CHMP3: variants seen among roughly 807,000 people sequenced by gnomAD.
CHMP3 encodes the protein 25.1 protein.
Under a neutral mutation model 27.4 loss-of-function variants are expected in CHMP3, and 8 were observed. That is an observed-to-expected ratio of 0.29 (90% CI 0.17 to 0.53). The LOEUF (loss-of-function observed/expected upper bound fraction) is 0.53, where lower values mean the gene tolerates loss of function less well. CHMP3 is among the 20% of genes least tolerant of loss of function. The pLI, the probability that CHMP3 is intolerant of heterozygous loss-of-function variation, is 0.96. For synonymous variants in CHMP3, 86 were observed against 85.5 expected (o/e 1.01, Z -0.03); for missense variants, 208 against 271.5 (o/e 0.77, Z 1.64).
Position 86,503,664 on chromosome 2 carries a change from A to G in CHMP3, c.*2140T>C, listed in dbSNP as rs902043300. On this transcript the variant is annotated 3_prime_UTR_variant, in exon 6 of 6. Coordinates refer to ENST00000263856, the MANE Select transcript of CHMP3 (RefSeq NM_016079.4). ...CATGAAATGACATGGAGGAACCTTA[A>G]TTGCATATTATTAAGTGAAAGAAGC... 3.9e-5 allele frequency: 6 copies of G among 152,210 alleles called. 1 individual carries two copies. The highest frequency in any genetic ancestry group is 2.1e-4 in the South Asian group (1 of 4,828). 9.4% of individuals were successfully genotyped at this position (152,210 alleles called of 1,614,324 possible).
intron 1 of CHMP3, among the ~76,000 whole-genome samples, chr2:86,548,612 T>C (rs1315532277): frequency 6.6e-6 from 1 of 152,210 alleles, no homozygotes; most frequent in African/African-American, 2.4e-5. Flanking sequence ...AGTAACCATC[T>C]GATCTGTCTT....
At chr2:86,558,795 A>C (rs1334589772) in intron 1 of CHMP3, among the ~76,000 whole-genome samples, 1 of 149,684 alleles carries the variant, frequency 6.7e-6, no homozygotes, top group Non-Finnish European at 1.5e-5. Context: ...TGCCCCTTCC[A>C]TTTCTGCCAA....
At chr2:86,556,623 CCTGGCCT>C (rs201230521) in intron 1 of CHMP3, among the ~76,000 whole-genome samples, 2,276 of 152,224 alleles carry the variant, frequency 0.015, 67 homozygotes, top group African/African-American at 0.052. Context: ...GGCCTCGGAA[CCTGGCCT>C]TTAATCATCC....
intron 1 of CHMP3, among the ~76,000 whole-genome samples, chr2:86,550,995 C>A (rs532040991): frequency 6.6e-6 from 1 of 152,066 alleles, no homozygotes; most frequent in East Asian, 1.9e-4. Context: ...CCTCAGATAC[C>A]GAGAAATGAC....
chr2:86,519,814 A>C (rs2104756303), intron 3 of CHMP3, among the ~76,000 whole-genome samples: 1 of 152,334 alleles, frequency 6.6e-6, no homozygotes, highest in East Asian at 1.9e-4. Context: ...TTGGAGTGGA[A>C]AACTTAAAAC....
At chr2:86,511,756 T>C (rs1244303386) in intron 3 of CHMP3, 1 of 152,108 alleles carries the variant, frequency 6.6e-6, no homozygotes, top group Non-Finnish European at 1.5e-5. Context: ...TATTATTATT[T>C]GCATCCTGAG....
chr2:86,562,668 C>T (rs1361837580), intron 1 of CHMP3: 2 of 152,198 alleles, frequency 1.3e-5, no homozygotes, highest in Non-Finnish European at 2.9e-5. Context: ...AGGGCATTTT[C>T]AACTGTTTGC....
At position 86,505,757 on chromosome 2, in the gene CHMP3, G is replaced by A; in HGVS notation, c.*47C>T. The A allele has an allele frequency of 6.9e-7, 1 of 1,455,098 alleles. No individual in the cohort carries two copies. Among genetic ancestry groups the A allele is most frequent in the Admixed American group, 2.3e-5 (1 of 43,924 alleles). 90.1% of individuals were successfully genotyped at this position (1,455,098 alleles called of 1,614,324 possible). A position where few individuals can be genotyped will look rare whatever the true frequency, so the allele number is the denominator to read the frequency against. On this transcript the variant is annotated 3_prime_UTR_variant, in exon 6 of 6. Transcript: ENST00000263856. ...TGTAGTGCAAGAGACACATAAAATG[G>A]CAGCTCTTGAGAGGAGTGTGTGCAC...
chr2:86,544,962 C>T (rs1252075592), intron 1 of CHMP3, among the ~76,000 whole-genome samples: 11 of 108,538 alleles, frequency 1.0e-4, no homozygotes, highest in South Asian at 3.1e-4. Context: ...ACGGGGCGGC[C>T]GGGCAGAGGC....
chr2:86,520,151 TTTATA>T (rs1675466546), intron 3 of CHMP3, among the ~76,000 whole-genome samples: 1 of 152,206 alleles, frequency 6.6e-6, no homozygotes, highest in Admixed American at 6.5e-5. Flanking sequence ...TTACTTTTAT[TTTATA>T]TATTTCTGTA....
chr2:86,525,048 A>G (rs1675647043), intron 3 of CHMP3, among the ~76,000 whole-genome samples: 2 of 144,460 alleles, frequency 1.4e-5, no homozygotes, highest in Admixed American at 1.3e-4. Context: ...TTCTTATTAA[A>G]TGATGCATCA....
intron 1 of CHMP3, among the ~76,000 whole-genome samples, chr2:86,550,536 A>C (rs1676867034): frequency 6.6e-6 from 1 of 152,090 alleles, no homozygotes; most frequent in Admixed American, 6.5e-5. Context: ...CTATATTGAA[A>C]TTAAGAATTT....
chr2:86,510,273 C>CCCCCCCCCCCAA, intron 4 of CHMP3, 85 bp downstream of exon 4: 4 of 1,306,782 alleles, frequency 3.1e-6, no homozygotes, highest in African/African-American at 1.5e-5. Flanking sequence ...TGTTCATCCC[C>CCCCCCCCCCCAA]ACCCACCCTC....
At chr2:86,548,267 T>C (rs1257398429) in intron 1 of CHMP3, among the ~76,000 whole-genome samples, 3 of 149,666 alleles carry the variant, frequency 2.0e-5, no homozygotes, top group Non-Finnish European at 4.4e-5. Context: ...AGGATAATAG[T>C]GGAGAGAAGG....
chr2:86,531,193 G>A (rs1287876864), intron 2 of CHMP3, among the ~76,000 whole-genome samples: 1 of 151,274 alleles, frequency 6.6e-6, no homozygotes, highest in Non-Finnish European at 1.5e-5. Context: ...TTTTTTTGTA[G>A]AGATGGGGTT....
chr2:86,537,220 G>C (rs1676182821), intron 2 of CHMP3, among the ~76,000 whole-genome samples: 1 of 152,084 alleles, frequency 6.6e-6, no homozygotes, highest in South Asian at 2.1e-4. Flanking sequence ...CTATTTTGAA[G>C]TCTGCTGATG....
At chr2:86,562,521 T>G (rs573208685) in intron 1 of CHMP3, among the ~76,000 whole-genome samples, 4 of 152,294 alleles carry the variant, frequency 2.6e-5, no homozygotes, top group African/African-American at 9.6e-5. Flanking sequence ...TTTACATCCC[T>G]GAATCTTCAA....
intron 2 of CHMP3, among the ~76,000 whole-genome samples, chr2:86,534,455 C>G (rs1676049596): frequency 6.6e-6 from 1 of 152,084 alleles, no homozygotes; most frequent in Admixed American, 6.5e-5. Context: ...CTCGGCCTCC[C>G]AAAGTGCTAG....
At chr2:86,517,372 C>G (rs956695014) in intron 3 of CHMP3, among the ~76,000 whole-genome samples, 1 of 151,600 alleles carries the variant, frequency 6.6e-6, no homozygotes, top group African/African-American at 2.4e-5. Flanking sequence ...CGAGACCATC[C>G]TGGCTAACAC....
Sources: gnomAD v4.1 joint callset for allele counts (sites outside exome capture counted in the v4.1 genomes callset) on GRCh38, gnomAD v4.1.1 for gene constraint, MANE v1.5 for transcripts, NCBI Gene and HGNC (gene_info 2026-07-23, HGNC 2026-07-21) for gene names.